The following MACF1 variants were observed in gnomAD, a reference collection of about 807,000 sequenced individuals.
The protein encoded by MACF1 is microtubule actin crosslinking factor 1.
In MACF1, 193 loss-of-function variants were observed where a neutral mutation model predicts 854.8. That is an observed-to-expected ratio of 0.23 (90% CI 0.20 to 0.25). MACF1 has a LOEUF of 0.25. Ranked by LOEUF, MACF1 falls within the 10% of genes least tolerant of loss-of-function variation. MACF1 has a pLI of 1.00. For synonymous variants in MACF1, 3,185 were observed against 3,226.7 expected, an observed-to-expected ratio of 0.99 and a Z score of 0.44; for missense variants, 7,722 against 8,929.1, an observed-to-expected ratio of 0.86 and a Z score of 5.45.
intron 2 of MACF1, among the ~76,000 whole-genome samples, chr1:39,190,596 C>T (rs1644243931): frequency 6.6e-6 from 1 of 151,646 alleles, no homozygotes; most frequent in South Asian, 2.1e-4. Flanking sequence ...CTCTCGGCCT[C>T]CCAAAGTACT....
intron 2 of MACF1, among the ~76,000 whole-genome samples, chr1:39,134,207 A>AT (rs34022052): frequency 0.6 from 86,307 of 144,736 alleles, 27,397 homozygotes; most frequent in South Asian, 0.76. Flanking sequence ...CGCCCGGCTA[A>AT]TTTTTTTTTT....
chr1:39,474,181 G>T (rs913084039), intron 97 of MACF1, among the ~76,000 whole-genome samples: 2 of 152,148 alleles, frequency 1.3e-5, no homozygotes, highest in Non-Finnish European at 2.9e-5. Context: ...GAGGTCAGGA[G>T]TTCAAGACCA....
At chr1:39,135,807 A>G (rs2148178087) in intron 2 of MACF1, among the ~76,000 whole-genome samples, 1 of 152,224 alleles carries the variant, frequency 6.6e-6, no homozygotes, top group South Asian at 2.1e-4. Flanking sequence ...CTGTGTGCTT[A>G]CAGTTTGTCT....
chr1:39,215,066 C>T (rs961501358), intron 1 of MACF1, among the ~76,000 whole-genome samples: 8 of 152,190 alleles, frequency 5.3e-5, no homozygotes, highest in East Asian at 1.9e-4. Flanking sequence ...CCCCTCTGTA[C>T]GCTCTATTGG....
At chr1:39,479,723 C>A (rs1570237686) in intron 97 of MACF1, 75 bp from the exon 98 acceptor site, 2 of 1,319,402 alleles carry the variant, frequency 1.5e-6, no homozygotes, top group Non-Finnish European at 2.1e-6. Context: ...ATCATGGGGT[C>A]AAGCCGCTGT....
intron 97 of MACF1, among the ~76,000 whole-genome samples, chr1:39,475,022 G>A (rs1283315083): frequency 6.6e-6 from 1 of 152,176 alleles, no homozygotes; most frequent in Admixed American, 6.5e-5. Context: ...CGGGTCAGCA[G>A]GAGGGGCCAG....
chr1:39,450,772 C>T (rs928318549), intron 84 of MACF1, among the ~76,000 whole-genome samples: 4 of 151,870 alleles, frequency 2.6e-5, no homozygotes, highest in East Asian at 1.9e-4. Flanking sequence ...CCACCATGCC[C>T]GGCTAATTTT....
At chr1:39,129,899 C>T (rs1642954630) in intron 2 of MACF1, among the ~76,000 whole-genome samples, 1 of 152,190 alleles carries the variant, frequency 6.6e-6, no homozygotes, top group South Asian at 2.1e-4. Flanking sequence ...TCCTCCCCTC[C>T]CCCAAATGAT....
chr1:39,316,281 C>T (rs1646410919), intron 27 of MACF1, 110 bp from the exon 28 acceptor site: 2 of 808,974 alleles, frequency 2.5e-6, no homozygotes, highest in Non-Finnish European at 3.6e-6. Flanking sequence ...AAAATGGTGA[C>T]ATTGATTTTG....
At chr1:39,165,520 C>T (rs1643873425) in intron 2 of MACF1, among the ~76,000 whole-genome samples, 1 of 152,070 alleles carries the variant, frequency 6.6e-6, no homozygotes, top group Admixed American at 6.6e-5. Context: ...TTTTTTGTTA[C>T]AACTGGAGAT....
intron 87 of MACF1, 142 bp downstream of exon 87, chr1:39,452,954 T>C: frequency 1.1e-6 from 1 of 909,912 alleles, no homozygotes; most frequent in Non-Finnish European, 1.6e-6. Context: ...AGCTCATTGG[T>C]TTAGCAGGAA....
At chr1:39,423,671 T>C (rs535790879) in intron 60 of MACF1, among the ~76,000 whole-genome samples, 2 of 151,432 alleles carry the variant, frequency 1.3e-5, no homozygotes, top group East Asian at 2.0e-4. Flanking sequence ...ATATACAATG[T>C]GATGGTTTGA....
chr1:39,458,123 T>G (rs1248542208), intron 89 of MACF1: 1 of 393,584 alleles, frequency 2.5e-6, no homozygotes, highest in Non-Finnish European at 4.6e-6. Context: ...CATGAGGAAT[T>G]TGCCCCCATA....
chr1:39,402,532 G>A lies in MACF1; in HGVS notation c.15816+13874G>A, dbSNP rs1280543502. On this transcript the variant is annotated intron_variant, in intron 58 of 100. Transcript: ENST00000564288. ...CCTTGTGAAATTAGTTGCCTCAAGA[G>A]GAGAGGAAGAGGAATCCAAGGAGAC... Among the ~76,000 whole-genome samples, 3 of 152,152 alleles carry A rather than the reference G, an allele frequency of 2.0e-5. No individual in the cohort carries two copies. The East Asian group carries it at 5.8e-4, about 29-fold the overall frequency.
At chr1:39,465,145 A>G (rs189146043) in intron 95 of MACF1, 33 bp downstream of exon 95, 184 of 1,602,906 alleles carry the variant, frequency 1.1e-4, no homozygotes, top group South Asian at 5.0e-4. Context: ...CTCCTTCTCA[A>G]TGGATATGGT....
At chr1:39,326,423 A>G (rs1224631445) in intron 35 of MACF1, among the ~76,000 whole-genome samples, 7 of 152,290 alleles carry the variant, frequency 4.6e-5, no homozygotes, top group African/African-American at 7.2e-5. Context: ...GCTCACGCCT[A>G]TAATCCCAGT....
At chr1:39,285,800 T>C in intron 14 of MACF1, 42 bp downstream of exon 14, 2 of 1,604,622 alleles carry the variant, frequency 1.2e-6, no homozygotes, top group South Asian at 2.2e-5. Context: ...GCTTGCTTAC[T>C]GCTGAGGCTC....
At chr1:39,122,418 T>A (rs956957862) in intron 2 of MACF1, among the ~76,000 whole-genome samples, 1 of 152,036 alleles carries the variant, frequency 6.6e-6, no homozygotes, top group East Asian at 1.9e-4. Flanking sequence ...CATGCCTGGC[T>A]AATTTTTTGT....
intron 2 of MACF1, among the ~76,000 whole-genome samples, chr1:39,129,343 G>A (rs1642937646): frequency 1.3e-5 from 2 of 152,196 alleles, no homozygotes; most frequent in Non-Finnish European, 2.9e-5. Context: ...GAGAGGTGGG[G>A]ATATGGCTTT....
Sources: allele counts gnomAD v4.1 joint callset (sites outside exome capture counted in the v4.1 genomes callset), GRCh38; gene constraint gnomAD v4.1.1; transcripts MANE v1.5; gene names NCBI Gene and HGNC (gene_info 2026-07-23, HGNC 2026-07-21).